ERCC6L2: variants seen among roughly 807,000 people sequenced by gnomAD.
ERCC6L2 encodes ERCC excision repair 6 like 2.
ERCC6L2 carries 77 observed loss-of-function variants against 132.0 expected under a neutral mutation model. The observed-to-expected ratio is 0.58, with a 90% confidence interval of 0.49 to 0.71. ERCC6L2 has a LOEUF of 0.71. Ranked by LOEUF, ERCC6L2 falls within the 30% of genes least tolerant of loss-of-function variation. The probability of loss-of-function intolerance (pLI) is 0.00; values close to 1 mark genes in which losing one functional copy is unlikely to be tolerated. For synonymous variants in ERCC6L2, 583 were observed against 632.4 expected, an observed-to-expected ratio of 0.92 and a Z score of 1.17; for missense variants, 1,542 against 1,837.6, an observed-to-expected ratio of 0.84 and a Z score of 2.94.
chr9:95,928,511 C>G (rs112483582), intron 10 of ERCC6L2, among the ~76,000 whole-genome samples: 1 of 152,138 alleles, frequency 6.6e-6, no homozygotes, highest in East Asian at 1.9e-4. Context: ...ATTTTTAAAA[C>G]AAGTTCTGAA....
chr9:95,875,818 C>A lies in ERCC6L2; in HGVS notation c.-221C>A. On this transcript the variant is annotated 5_prime_UTR_variant, in exon 1 of 19. Coordinates refer to ENST00000653738, the MANE Select transcript of ERCC6L2 (RefSeq NM_020207.7). ...ACAGCGTCCCCTGGCTCTGCCGCCGCTCCGGACGTCGCCCTCCCGTTCTGC... is the reference window on the plus strand; with the variant it reads ...ACAGCGTCCCCTGGCTCTGCCGCCGATCCGGACGTCGCCCTCCCGTTCTGC... The A allele has an allele frequency of 3.5e-6, 2 of 576,914 alleles. No individual in the cohort carries two copies. The highest frequency in any genetic ancestry group is 3.1e-6 in the Non-Finnish European group (1 of 320,968). The allele number at this position is 576,914 out of a possible 1,614,324, so 35.7% of individuals were successfully genotyped here. A position where few individuals can be genotyped will look rare whatever the true frequency, so the allele number is the denominator to read the frequency against.
downstream of ERCC6L2, chr9:96,019,986 C>T (rs1461174699): frequency 1.3e-5 from 2 of 152,236 alleles, no homozygotes; most frequent in African/African-American, 4.8e-5. Context: ...GAGTTCCAGA[C>T]CAGCCTAACC....
At chr9:95,956,366 A>C (rs546641100) in intron 13 of ERCC6L2, among the ~76,000 whole-genome samples, 3 of 152,160 alleles carry the variant, frequency 2.0e-5, no homozygotes, top group Non-Finnish European at 4.4e-5. Context: ...CCACATTTTG[A>C]GTAGCAAGGT....
At chr9:95,914,956 G>A (rs1383220420) in intron 4 of ERCC6L2, among the ~76,000 whole-genome samples, 1 of 152,068 alleles carries the variant, frequency 6.6e-6, no homozygotes, top group Non-Finnish European at 1.5e-5. Flanking sequence ...TGAAGTAAGT[G>A]TTTAAATTCA....
At chr9:95,913,697 C>T (rs986963487) in intron 4 of ERCC6L2, among the ~76,000 whole-genome samples, 63 of 152,292 alleles carry the variant, frequency 4.1e-4, no homozygotes, top group African/African-American at 1.3e-3. Flanking sequence ...AACTACTGAT[C>T]TGCTTTCTCT....
intron 11 of ERCC6L2, among the ~76,000 whole-genome samples, chr9:95,930,323 A>T (rs1179054155): frequency 6.6e-6 from 1 of 152,112 alleles, no homozygotes; most frequent in East Asian, 1.9e-4. Flanking sequence ...CAATTTGAGT[A>T]ATTTATTTCA....
At chr9:96,000,034 A>G (rs1833610231) in intron 17 of ERCC6L2, among the ~76,000 whole-genome samples, 1 of 151,778 alleles carries the variant, frequency 6.6e-6, no homozygotes, top group Non-Finnish European at 1.5e-5. Flanking sequence ...GATTACAGGC[A>G]CATACCACCA....
intron 20 of ERCC6L2, among the ~76,000 whole-genome samples, chr9:96,041,084 T>C (rs1421771045): frequency 6.6e-6 from 1 of 152,164 alleles, no homozygotes; most frequent in African/African-American, 2.4e-5. Context: ...AGCCCCAGGT[T>C]TGTATTTACA....
Position 96,013,332 on chromosome 9 carries a change from T to G in ERCC6L2, c.*129T>G. On this transcript the variant is annotated 3_prime_UTR_variant, in exon 19 of 19. Coordinates refer to ENST00000653738, the MANE Select transcript of ERCC6L2 (RefSeq NM_020207.7). ...TTTTATTAAATTATTGCTTTAGGAT[T>G]TTTTGAAGTCTAAAGTATTGTCATG... 2.5e-6 allele frequency: 2 copies of G among 813,388 alleles called. No homozygotes were observed. Among genetic ancestry groups the G allele is most frequent in the Non-Finnish European group, 3.4e-6 (2 of 594,048 alleles). The allele number at this position is 813,388 out of a possible 1,614,324, so 50.4% of individuals were successfully genotyped here.
At chr9:96,026,750 C>A (rs937726982) in intron 19 of ERCC6L2, among the ~76,000 whole-genome samples, 1 of 144,076 alleles carries the variant, frequency 6.9e-6, no homozygotes, top group Non-Finnish European at 1.5e-5. Context: ...ACACACAGCC[C>A]ACACACACTA....
chr9:95,897,930 A>G lies in ERCC6L2; in HGVS notation c.553A>G (p.Arg185Gly). Residue 185 changes from arginine to glycine, a missense_variant, in exon 3 of 19, where the codon AGA becomes GGA. This residue lies in a region of ERCC6L2 where 945 missense variants were observed against 1,105.2 expected (regional missense o/e 0.86). Transcript: ENST00000653738. Reference sequence around the variant, plus strand: ...AAATAACATGCCAGAGTTTTTACTAAGAAGTATGAAAAAGGAACCCCTTTC... The same window carrying G: ...AAATAACATGCCAGAGTTTTTACTAGGAAGTATGAAAAAGGAACCCCTTTC... ...IENNMPEFLL[R>G]SMKKEPLSST... The G allele has an allele frequency of 1.2e-6, 2 of 1,612,566 alleles. No individual in the cohort carries two copies. The highest frequency in any genetic ancestry group is 1.7e-6 in the Non-Finnish European group (2 of 1,179,262).
At chr9:95,989,591 G>A (rs1237083505) in intron 17 of ERCC6L2, among the ~76,000 whole-genome samples, 2 of 152,176 alleles carry the variant, frequency 1.3e-5, no homozygotes, top group Non-Finnish European at 2.9e-5. Flanking sequence ...TTAGAGAAGT[G>A]TGATCTAGTT....
intron 11 of ERCC6L2, among the ~76,000 whole-genome samples, chr9:95,929,897 CTT>C (rs1291037412): frequency 1.3e-5 from 2 of 152,192 alleles, no homozygotes; most frequent in African/African-American, 2.4e-5. Flanking sequence ...GCAGTAGTCT[CTT>C]ATCCTTCTTC....
At chr9:96,008,747 G>A (rs574459725) in intron 18 of ERCC6L2, among the ~76,000 whole-genome samples, 5 of 152,218 alleles carry the variant, frequency 3.3e-5, no homozygotes, top group Non-Finnish European at 4.4e-5. Context: ...AAGAGTAATC[G>A]TGTTATCTTG....
At chr9:96,008,646 T>C (rs913407) in intron 18 of ERCC6L2, among the ~76,000 whole-genome samples, 65,659 of 152,064 alleles carry the variant, frequency 0.43, 14,386 homozygotes, top group African/African-American at 0.48. Context: ...TTATAACATA[T>C]GAGGTCATTT....
chr9:95,970,952 G>T (rs1832384206), intron 15 of ERCC6L2, among the ~76,000 whole-genome samples: 1 of 151,818 alleles, frequency 6.6e-6, no homozygotes, highest in Non-Finnish European at 1.5e-5. Flanking sequence ...AATAATTTTT[G>T]ACTAAATGGT....
chr9:95,961,447 G>T (rs540398059), intron 13 of ERCC6L2, among the ~76,000 whole-genome samples: 1 of 152,202 alleles, frequency 6.6e-6, no homozygotes, highest in Non-Finnish European at 1.5e-5. Flanking sequence ...TGGCCCTATG[G>T]ACACCTTGAT....
intron 4 of ERCC6L2, among the ~76,000 whole-genome samples, chr9:95,909,076 A>AGCT (rs538065162): frequency 1.7e-3 from 258 of 152,302 alleles, no homozygotes; most frequent in African/African-American, 5.9e-3. Context: ...CCTCAAGCCC[A>AGCT]GCTGGAGAGT....
intron 13 of ERCC6L2, among the ~76,000 whole-genome samples, chr9:95,956,298 G>C (rs1046316101): frequency 3.3e-5 from 5 of 152,128 alleles, no homozygotes; most frequent in African/African-American, 1.2e-4. Flanking sequence ...GTCTGAGTTA[G>C]AGCCCATGAT....
Sources: allele counts gnomAD v4.1 joint callset (sites outside exome capture counted in the v4.1 genomes callset), GRCh38; gene constraint gnomAD v4.1.1; regional missense constraint gnomAD v4.1.1; transcripts MANE v1.5; gene names NCBI Gene and HGNC (gene_info 2026-07-23, HGNC 2026-07-21).